OR51M1: variants seen among roughly 807,000 people sequenced by gnomAD.
OR51M1 encodes the protein olfactory receptor family 51 subfamily M member 1.
For missense variants in OR51M1, 509 were observed against 404.4 expected (o/e 1.26, Z -2.22); for synonymous variants, 199 against 155.1 (o/e 1.28, Z -2.10).
intron 2 of OR51M1, among the ~76,000 whole-genome samples, chr11:5,388,332 TG>T (rs981544777): frequency 6.6e-6 from 1 of 151,594 alleles, no homozygotes; most frequent in African/African-American, 2.4e-5. Context: ...GAAAATATCA[TG>T]GTAATTAGTG....
At position 5,393,258 on chromosome 11, in the gene OR51M1, T is replaced by A. The variant is rs1454280767; in HGVS notation, c.*2879T>A. 2 of 152,178 alleles carry A rather than the reference T, an allele frequency of 1.3e-5. No individual in the cohort carries two copies. The highest frequency in any genetic ancestry group is 2.9e-5 in the Non-Finnish European group (2 of 68,032). 9.4% of individuals were successfully genotyped at this position (152,178 alleles called of 1,614,324 possible). A position where few individuals can be genotyped will look rare whatever the true frequency, so the allele number is the denominator to read the frequency against. On this transcript the variant is annotated 3_prime_UTR_variant, in exon 3 of 3. Coordinates refer to ENST00000642046, the MANE Select transcript of OR51M1 (RefSeq NM_001004756.3). The stretch of plus-strand genomic sequence containing the variant: ...TATAATTTGTGTTATTGTTCATAAT[T>A]TTAAGAATGTAAGCATACAAAATGT...
chr11:5,388,052 T>G (rs532588361), intron 2 of OR51M1, among the ~76,000 whole-genome samples: 1 of 152,278 alleles, frequency 6.6e-6, no homozygotes, highest in East Asian at 1.9e-4. Context: ...ATGTCTGCCA[T>G]GTAATACAAT....
chr11:5,385,978 A>T (rs1849689494), intron 2 of OR51M1, among the ~76,000 whole-genome samples: 1 of 150,358 alleles, frequency 6.7e-6, no homozygotes, highest in Non-Finnish European at 1.5e-5. Context: ...ATAAATATAA[A>T]AATATAAAGA....
At chr11:5,387,820 C>T (rs1413316884) in intron 2 of OR51M1, among the ~76,000 whole-genome samples, 1 of 152,148 alleles carries the variant, frequency 6.6e-6, no homozygotes, top group African/African-American at 2.4e-5. Context: ...TCTCTGACTA[C>T]CCTATATAAA....
intron 2 of OR51M1, among the ~76,000 whole-genome samples, chr11:5,388,902 G>C (rs188150882): frequency 6.6e-6 from 1 of 152,080 alleles, no homozygotes; most frequent in Non-Finnish European, 1.5e-5. Context: ...ACTATGGAGA[G>C]ATGTGATATG....
intron 1 of OR51M1, among the ~76,000 whole-genome samples, chr11:5,384,438 C>G (rs939110155): frequency 2.0e-5 from 3 of 152,120 alleles, no homozygotes; most frequent in Non-Finnish European, 4.4e-5. Context: ...AGAACCAGAG[C>G]CAGAGAAAGA....
rs1849671256 is a variant in OR51M1, at chr11:5,385,356, T to C, written c.-118T>C. On this transcript the variant is annotated 5_prime_UTR_variant, in exon 2 of 3. Transcript: ENST00000642046. ...CCCTGTCATTGTCTCTGTATAGACA[T>C]CTTGTTTCTACCAGATCCTTCTCCC... 1 of 151,814 alleles carries C rather than the reference T, an allele frequency of 6.6e-6. No homozygotes were observed. Among genetic ancestry groups the C allele is most frequent in the South Asian group, 2.1e-4 (1 of 4,824 alleles). The allele number at this position is 151,814 out of a possible 1,614,324, so 9.4% of individuals were successfully genotyped here.
chr11:5,388,436 A>C (rs903343142), intron 2 of OR51M1, among the ~76,000 whole-genome samples: 1 of 151,408 alleles, frequency 6.6e-6, no homozygotes, highest in African/African-American at 2.4e-5. Flanking sequence ...ATCTAAGCTA[A>C]GGTGGGTTAT....
chr11:5,385,339 T>C lies in OR51M1; in HGVS notation c.-121-14T>C, dbSNP rs942221101. On this transcript the variant is annotated splice_polypyrimidine_tract_variant and intron_variant, in intron 1 of 2. Coordinates refer to ENST00000642046, the MANE Select transcript of OR51M1 (RefSeq NM_001004756.3). ...AAGAGAAATAATCCCAGCCCTGTCA[T>C]TGTCTCTGTATAGACATCTTGTTTC... The C allele has an allele frequency of 6.6e-6, 1 of 152,114 alleles. No homozygotes were observed. The highest frequency in any genetic ancestry group is 1.9e-4 in the East Asian group (1 of 5,192). The allele number at this position is 152,114 out of a possible 1,614,324, so 9.4% of individuals were successfully genotyped here.
intron 2 of OR51M1, among the ~76,000 whole-genome samples, chr11:5,388,356 C>T (rs937344688): frequency 1.3e-5 from 2 of 151,374 alleles, no homozygotes; most frequent in Non-Finnish European, 2.9e-5. Flanking sequence ...TAGTGAACTA[C>T]AGGAACACAT....
At chr11:5,385,915 G>T (rs11037143) in intron 2 of OR51M1, among the ~76,000 whole-genome samples, 26,950 of 148,362 alleles carry the variant, frequency 0.18, 2,596 homozygotes, top group African/African-American at 0.26. Context: ...TTATACATAT[G>T]TGTACTTATA....
In OR51M1 at chr11:5,389,636, C is replaced by T. The variant is rs1468968421; in HGVS notation, c.238C>T (p.Leu80Phe). Residue 80 changes from leucine to phenylalanine, a missense_variant, in exon 3 of 3, where the codon CTC (leucine) becomes TTC (phenylalanine). Transcript: ENST00000642046. ...GTACTATCTACTATCCTTGCTGGCC[C>T]TCACTGACCTGGGGCTGTGTGTGTC... ...PMYYLLSLLALTDLGLCVSTL... is the reference protein window; with the variant it reads ...PMYYLLSLLAFTDLGLCVSTL... 2 of 1,613,558 alleles carry T rather than the reference C, an allele frequency of 1.2e-6. No homozygotes were observed. Among genetic ancestry groups the T allele is most frequent in the Non-Finnish European group, 1.7e-6 (2 of 1,179,906 alleles).
At chr11:5,384,700 A>C (rs1339189590) in intron 1 of OR51M1, among the ~76,000 whole-genome samples, 3 of 152,204 alleles carry the variant, frequency 2.0e-5, no homozygotes. Flanking sequence ...CACTTATTCA[A>C]CAAATTATTA....
intron 2 of OR51M1, among the ~76,000 whole-genome samples, chr11:5,387,170 T>G (rs890575461): frequency 5.9e-5 from 9 of 151,722 alleles, no homozygotes; most frequent in Non-Finnish European, 1.3e-4. Flanking sequence ...AATAAGAGAG[T>G]GCATAGAAGC....
chr11:5,389,831 T>A lies in OR51M1; in HGVS notation c.433T>A (p.Ser145Thr). The A allele has an allele frequency of 6.2e-7, 1 of 1,613,974 alleles. No individual in the cohort carries two copies. Among genetic ancestry groups the A allele is most frequent in the Non-Finnish European group, 8.5e-7 (1 of 1,179,890 alleles). ...GGCCATCTGCCACCCTCTGAGGTAT[T>A]CGGTCATTATCACTGGCCAGCAAGT... ...LVAICHPLRYSVIITGQQVVR... is the reference protein window; with the variant it reads ...LVAICHPLRYTVIITGQQVVR... Residue 145 changes from serine to threonine, a missense_variant, in exon 3 of 3, where the codon TCG becomes ACG. Transcript: ENST00000642046.
chr11:5,387,727 C>T (rs1001744890), intron 2 of OR51M1, among the ~76,000 whole-genome samples: 1 of 54,048 alleles, frequency 1.9e-5, no homozygotes, highest in Non-Finnish European at 4.8e-5. Flanking sequence ...TTCCTCCTTC[C>T]TTGAATGTTT....
rs765914872 is a variant in OR51M1 at position 5,389,881 on chromosome 11, C to T, written c.483C>T (p.Ile161=). ...QQVVRAGLIV[I]FRGPVATIPI... ...TGGTCAGAGCAGGCCTAATTGTCATCTTCCGGGGACCTGTGGCCACTATCC... is the reference window on the plus strand; with the variant it reads ...TGGTCAGAGCAGGCCTAATTGTCATTTTCCGGGGACCTGTGGCCACTATCC... Residue 161 remains isoleucine (I), a synonymous_variant, in exon 3 of 3, where the codon ATC becomes ATT. Transcript: ENST00000642046. 1.3e-5 allele frequency: 21 copies of T among 1,613,166 alleles called. No homozygotes were observed. Among genetic ancestry groups the T allele is most frequent in the Non-Finnish European group, 1.6e-5 (19 of 1,179,902 alleles).
Position 5,393,160 on chromosome 11 carries a change from G to A in OR51M1, c.*2781G>A, listed in dbSNP as rs1046444227. The A allele has an allele frequency of 2.0e-5, 3 of 152,024 alleles. No individual in the cohort carries two copies. Among genetic ancestry groups the A allele is most frequent in the South Asian group, 2.1e-4 (1 of 4,828 alleles). 9.4% of individuals were successfully genotyped at this position (152,024 alleles called of 1,614,324 possible). ...TTGTGGCAAAATTTTTTTCCTGTTT[G>A]CTCACAGTTCTAAATCCATCTCCTA... On this transcript the variant is annotated 3_prime_UTR_variant, in exon 3 of 3. Transcript: ENST00000642046.
chr11:5,388,528 C>A (rs922930499), intron 2 of OR51M1, among the ~76,000 whole-genome samples: 13 of 146,558 alleles, frequency 8.9e-5, no homozygotes, highest in African/African-American at 2.8e-4. Context: ...AATGAAAATA[C>A]AAATGTTTAC....
Sources: gnomAD v4.1 joint callset for allele counts (sites outside exome capture counted in the v4.1 genomes callset) on GRCh38, gnomAD v4.1.1 for gene constraint, MANE v1.5 for transcripts, NCBI Gene and HGNC (gene_info 2026-07-23, HGNC 2026-07-21) for gene names.